The following CDH12 variants were observed in gnomAD, a reference collection of about 807,000 sequenced individuals.
The protein encoded by CDH12 is cadherin 12, also known as cadherin-12.
In CDH12, 41 loss-of-function variants were observed where a neutral mutation model predicts 74.1. That is an observed-to-expected ratio of 0.55 (90% CI 0.43 to 0.72). The LOEUF is 0.72. Among genes scored for constraint, CDH12 ranks in the 30% least tolerant of loss-of-function variants. The pLI is 0.00. For missense variants in CDH12, 945 were observed against 977.2 expected, an observed-to-expected ratio of 0.97 and a Z score of 0.44; for synonymous variants, 399 against 355.0, an observed-to-expected ratio of 1.12 and a Z score of -1.39.
chr5:21,881,743 T>C (rs1393628268), intron 6 of CDH12, among the ~76,000 whole-genome samples: 1 of 152,212 alleles, frequency 6.6e-6, no homozygotes, highest in African/African-American at 2.4e-5. Context: ...GATCTGCATA[T>C]ATAATTTCAA....
rs147986104 is a variant in CDH12 at position 21,810,169 on chromosome 5, ATCTT to A, written c.1002+6772_1002+6775del. 7.6e-3 allele frequency among the ~76,000 whole-genome samples: 1,157 copies of A among 152,220 alleles called. 7 individuals carry two copies. The highest frequency in any genetic ancestry group is 0.027 in the African/African-American group (1,106 of 41,548). On this transcript the variant is annotated intron_variant, in intron 9 of 14. Coordinates refer to ENST00000382254, the MANE Select transcript of CDH12 (RefSeq NM_004061.5). ...ATAGAAAATGCACTCTTTGATCTTT[ATCTT>A]TCTATCAGTAGGACCAGAAACTGAT... is the stretch of plus-strand genomic sequence containing the variant.
chr5:22,326,524 C>T (rs749355388), intron 3 of CDH12, among the ~76,000 whole-genome samples: 17 of 152,154 alleles, frequency 1.1e-4, no homozygotes, highest in African/African-American at 3.6e-4. Context: ...CGTGAGCCAC[C>T]GCGCCCGGCC....
At chr5:22,823,969 C>T (rs1211485181) in intron 1 of CDH12, among the ~76,000 whole-genome samples, 3 of 151,964 alleles carry the variant, frequency 2.0e-5, no homozygotes, top group Non-Finnish European at 4.4e-5. Context: ...CTCAAATAAC[C>T]CAAAGGTGAC....
chr5:21,764,660 A>AG (rs985130879), intron 12 of CDH12, among the ~76,000 whole-genome samples: 1 of 150,768 alleles, frequency 6.6e-6, no homozygotes, highest in Non-Finnish European at 1.5e-5. Context: ...AGAAAAAAAA[A>AG]AAAAAAAAGA....
chr5:21,802,124 T>C (rs1747143755), intron 10 of CDH12, 43 bp downstream of exon 10: 3 of 1,571,154 alleles, frequency 1.9e-6, no homozygotes, highest in East Asian at 2.3e-5. Flanking sequence ...TTGTTTTGTT[T>C]TGTTTTCCTG....
At chr5:22,303,891 C>G (rs1737997144) in intron 3 of CDH12, among the ~76,000 whole-genome samples, 1 of 152,042 alleles carries the variant, frequency 6.6e-6, no homozygotes, top group Non-Finnish European at 1.5e-5. Flanking sequence ...CATTCCACCG[C>G]ACCATGGTGA....
intron 4 of CDH12, among the ~76,000 whole-genome samples, chr5:22,141,788 A>G (rs1185476220): frequency 1.3e-5 from 2 of 152,198 alleles, no homozygotes; most frequent in African/African-American, 2.4e-5. Flanking sequence ...GTTAAAAAAT[A>G]TAAGAGGAAA....
intron 4 of CDH12, among the ~76,000 whole-genome samples, chr5:22,203,134 A>G (rs1751017164): frequency 6.6e-6 from 1 of 152,140 alleles, no homozygotes. Context: ...TCTTGTAGCT[A>G]TTTTGAAATA....
intron 10 of CDH12, among the ~76,000 whole-genome samples, chr5:21,787,176 C>T (rs1356848606): frequency 6.6e-6 from 1 of 152,126 alleles, no homozygotes; most frequent in Non-Finnish European, 1.5e-5. Context: ...AAAGGAGTTC[C>T]ATTGTAGGTA....
chr5:22,743,813 C>T (rs189011530), intron 1 of CDH12, among the ~76,000 whole-genome samples: 1 of 151,960 alleles, frequency 6.6e-6, no homozygotes, highest in African/African-American at 2.4e-5. Flanking sequence ...TCTTCAATGG[C>T]TGACATTATT....
intron 6 of CDH12, among the ~76,000 whole-genome samples, chr5:21,943,144 C>G (rs575536630): frequency 6.6e-6 from 1 of 152,162 alleles, no homozygotes; most frequent in African/African-American, 2.4e-5. Flanking sequence ...TGTAAGTTCC[C>G]TGAGGCCTCC....
chr5:21,752,369 C>G (rs1225796523), intron 14 of CDH12, 133 bp from the exon 15 acceptor site: 12 of 712,592 alleles, frequency 1.7e-5, no homozygotes. Flanking sequence ...AGTAAACATA[C>G]CATAATCAAT....
intron 6 of CDH12, among the ~76,000 whole-genome samples, chr5:21,925,964 GGC>G (rs1754566962): frequency 6.6e-6 from 1 of 151,680 alleles, no homozygotes; most frequent in Non-Finnish European, 1.5e-5. Context: ...AATGATTTCT[GGC>G]ATCTTGTGGG....
intron 1 of CDH12, among the ~76,000 whole-genome samples, chr5:22,814,173 T>C (rs999807869): frequency 7.9e-5 from 12 of 152,152 alleles, no homozygotes; most frequent in Admixed American, 2.6e-4. Context: ...TTACATAATC[T>C]AGGTACATTA....
At chr5:22,287,215 C>A (rs914255671) in intron 3 of CDH12, among the ~76,000 whole-genome samples, 14 of 152,168 alleles carry the variant, frequency 9.2e-5, no homozygotes, top group Non-Finnish European at 1.8e-4. Context: ...TAAGAAGAGT[C>A]TCCTTTTGCC....
intron 3 of CDH12, among the ~76,000 whole-genome samples, chr5:22,313,331 A>G (rs1292783566): frequency 4.6e-5 from 7 of 151,964 alleles, no homozygotes; most frequent in Non-Finnish European, 8.8e-5. Context: ...TCAAATGAGG[A>G]AAAAAAAGGC....
At chr5:22,176,483 A>G (rs1471392476) in intron 4 of CDH12, among the ~76,000 whole-genome samples, 1 of 151,932 alleles carries the variant, frequency 6.6e-6, no homozygotes. Flanking sequence ...TGCCTTCCTC[A>G]CCTAAATAAG....
At chr5:22,341,364 A>G (rs1739841534) in intron 3 of CDH12, among the ~76,000 whole-genome samples, 1 of 152,198 alleles carries the variant, frequency 6.6e-6, no homozygotes, top group Admixed American at 6.5e-5. Context: ...AATACAGGCT[A>G]TGTTTGACTT....
chr5:22,117,489 TTA>T (rs1181381670), intron 4 of CDH12, among the ~76,000 whole-genome samples: 1,219 of 48,498 alleles, frequency 0.025, 68 homozygotes, highest in African/African-American at 0.083. Flanking sequence ...TATATATATA[TTA>T]TATATATATA....
Sources: gnomAD v4.1 joint callset for allele counts (sites outside exome capture counted in the v4.1 genomes callset) on GRCh38, gnomAD v4.1.1 for gene constraint, MANE v1.5 for transcripts, NCBI Gene and HGNC (gene_info 2026-07-23, HGNC 2026-07-21) for gene names.